The following CACNB2 variants were observed in gnomAD, a reference collection of about 807,000 sequenced individuals.
The protein encoded by CACNB2 is calcium voltage-gated channel auxiliary subunit beta 2.
Under a neutral mutation model 73.3 loss-of-function variants are expected in CACNB2, and 42 were observed. That is an observed-to-expected ratio of 0.57 (90% CI 0.45 to 0.74). CACNB2 has a LOEUF of 0.74. Ranked by LOEUF, CACNB2 falls within the 30% of genes least tolerant of loss-of-function variation. CACNB2 has a pLI of 0.00. For synonymous variants in CACNB2, 348 were observed against 310.3 expected, an observed-to-expected ratio of 1.12 and a Z score of -1.28; for missense variants, 940 against 853.0, an observed-to-expected ratio of 1.10 and a Z score of -1.27.
chr10:18,167,925 A>C (rs1342084380), intron 2 of CACNB2, among the ~76,000 whole-genome samples: 1 of 152,122 alleles, frequency 6.6e-6, no homozygotes, highest in African/African-American at 2.4e-5. Context: ...AAGTTCCCCG[A>C]GGTCACCCCC....
At chr10:18,306,710 G>C (rs1416426440) in intron 2 of CACNB2, among the ~76,000 whole-genome samples, 2 of 152,172 alleles carry the variant, frequency 1.3e-5, no homozygotes. Context: ...TAGTTAAGGA[G>C]TGAGGGCTTC....
At chr10:18,460,716 C>A (rs2047526823) in intron 3 of CACNB2, among the ~76,000 whole-genome samples, 2 of 151,876 alleles carry the variant, frequency 1.3e-5, no homozygotes, top group Non-Finnish European at 2.9e-5. Flanking sequence ...TGTAGTGAAA[C>A]CCCATCTCTA....
At chr10:18,192,657 C>T (rs539169234) in intron 2 of CACNB2, among the ~76,000 whole-genome samples, 2 of 152,306 alleles carry the variant, frequency 1.3e-5, no homozygotes, top group East Asian at 3.9e-4. Flanking sequence ...TCCCATCCCC[C>T]AGGCCCTGGC....
At chr10:18,181,587 ATTTTATT>A (rs2033886002) in intron 2 of CACNB2, among the ~76,000 whole-genome samples, 2 of 132,944 alleles carry the variant, frequency 1.5e-5, no homozygotes, top group African/African-American at 2.8e-5. Context: ...ATTTTATTTT[ATTTTATT>A]TTATTTTATT....
intron 2 of CACNB2, among the ~76,000 whole-genome samples, chr10:18,219,840 G>A (rs905041086): frequency 1.3e-5 from 2 of 150,266 alleles, no homozygotes; most frequent in Non-Finnish European, 3.0e-5. Context: ...CACAGTCTCA[G>A]CTCACTGCAG....
intron 2 of CACNB2, among the ~76,000 whole-genome samples, chr10:18,384,322 A>G (rs2043136940): frequency 6.6e-6 from 1 of 152,210 alleles, no homozygotes; most frequent in Admixed American, 6.5e-5. Flanking sequence ...ATGGCTGTGT[A>G]TATTACGTGA....
chr10:18,344,066 C>CAA (rs57533459), intron 2 of CACNB2, among the ~76,000 whole-genome samples: 2,152 of 109,478 alleles, frequency 0.02, 52 homozygotes, highest in African/African-American at 0.062. Context: ...AAGCATTTAT[C>CAA]AAAAAAAAAA....
At chr10:18,403,265 T>C (rs557629103) in intron 3 of CACNB2, among the ~76,000 whole-genome samples, 1 of 152,320 alleles carries the variant, frequency 6.6e-6, no homozygotes, top group Non-Finnish European at 1.5e-5. Flanking sequence ...GAATCTGCTC[T>C]ACCAATGTTA....
intron 2 of CACNB2, among the ~76,000 whole-genome samples, chr10:18,237,338 G>C (rs1376410919): frequency 6.6e-6 from 1 of 152,188 alleles, no homozygotes; most frequent in Non-Finnish European, 1.5e-5. Context: ...CAGTATGACT[G>C]ATGATGTCCT....
At chr10:18,203,274 A>G (rs2034959322) in intron 2 of CACNB2, among the ~76,000 whole-genome samples, 1 of 152,194 alleles carries the variant, frequency 6.6e-6, no homozygotes, top group South Asian at 2.1e-4. Context: ...ATACCAGCCA[A>G]GCTGTGGTTG....
intron 3 of CACNB2, among the ~76,000 whole-genome samples, chr10:18,451,765 C>T (rs145295063): frequency 7.2e-5 from 11 of 152,330 alleles, no homozygotes; most frequent in Admixed American, 2.0e-4. Flanking sequence ...GTTATCACCA[C>T]TACAGATATT....
intron 3 of CACNB2, among the ~76,000 whole-genome samples, chr10:18,441,570 TG>T (rs1412479829): frequency 6.6e-6 from 1 of 152,190 alleles, no homozygotes; most frequent in African/African-American, 2.4e-5. Context: ...GAGGTATAAT[TG>T]ACAAATAAAA....
At chr10:18,494,275 G>T (rs556839337) in intron 3 of CACNB2, among the ~76,000 whole-genome samples, 5 of 152,148 alleles carry the variant, frequency 3.3e-5, no homozygotes, top group Admixed American at 3.3e-4. Flanking sequence ...CATTAAAAAT[G>T]TGTCTTACAT....
At chr10:18,448,494 A>AAG (rs1554821512) in intron 3 of CACNB2, among the ~76,000 whole-genome samples, 21 of 151,346 alleles carry the variant, frequency 1.4e-4, no homozygotes, top group African/African-American at 3.6e-4. Context: ...AAAAAAAAAA[A>AAG]AAAAAAAGAA....
chr10:18,176,171 G>C (rs1021071915), intron 2 of CACNB2, among the ~76,000 whole-genome samples: 11 of 152,094 alleles, frequency 7.2e-5, no homozygotes, highest in African/African-American at 2.7e-4. Flanking sequence ...AATTGTACCA[G>C]TGCATATTTG....
At chr10:18,318,441 G>T (rs1194841199) in intron 2 of CACNB2, among the ~76,000 whole-genome samples, 1 of 152,138 alleles carries the variant, frequency 6.6e-6, no homozygotes, top group Non-Finnish European at 1.5e-5. Flanking sequence ...ACTGAAACAG[G>T]ATCCCTTCCT....
At chr10:18,448,479 T>TAAAAAAAAAAAA (rs56255761) in intron 3 of CACNB2, among the ~76,000 whole-genome samples, 10 of 107,040 alleles carry the variant, frequency 9.3e-5, no homozygotes, top group Admixed American at 2.1e-4. Context: ...CTCTCTCATT[T>TAAAAAAAAAAAA]AAAAAAAAAA....
chr10:18,163,417 C>G (rs2032616065), intron 2 of CACNB2, among the ~76,000 whole-genome samples: 2 of 152,152 alleles, frequency 1.3e-5, no homozygotes, highest in Admixed American at 1.3e-4. Flanking sequence ...TACCTGAGAT[C>G]TGGTAGAAAA....
intron 2 of CACNB2, among the ~76,000 whole-genome samples, chr10:18,187,910 AAGTCTTAAATGAAGGGCTGACAACAGT>A (rs1216950296): frequency 6.6e-6 from 1 of 152,128 alleles, no homozygotes; most frequent in Non-Finnish European, 1.5e-5. Flanking sequence ...AATTGTGGAG[AAGTCTTAAATGAAGGGCTGACAACAGT>A]GGTGGTGGCG....
Sources: allele counts gnomAD v4.1 joint callset (sites outside exome capture counted in the v4.1 genomes callset), GRCh38; gene constraint gnomAD v4.1.1; transcripts MANE v1.5; gene names NCBI Gene and HGNC (gene_info 2026-07-23, HGNC 2026-07-21).